The following PPP4R2 variants were observed in gnomAD, a reference collection of about 807,000 sequenced individuals.
PPP4R2 encodes protein phosphatase 4 regulatory subunit 2.
A neutral mutation model predicts 47.2 loss-of-function variants in PPP4R2; 13 were observed. That is an observed-to-expected ratio of 0.28 (90% CI 0.18 to 0.44). The LOEUF is 0.44. Ranked by LOEUF, PPP4R2 falls within the 20% of genes least tolerant of loss-of-function variation. The probability of loss-of-function intolerance (pLI) is 1.00; values close to 1 mark genes in which losing one functional copy is unlikely to be tolerated. For synonymous variants in PPP4R2, 151 were observed against 163.3 expected, an observed-to-expected ratio of 0.92 and a Z score of 0.57; for missense variants, 421 against 491.2, an observed-to-expected ratio of 0.86 and a Z score of 1.35.
chr3:73,002,655 T>G (rs908834466), intron 2 of PPP4R2, among the ~76,000 whole-genome samples: 3 of 135,058 alleles, frequency 2.2e-5, no homozygotes, highest in African/African-American at 5.6e-5. Flanking sequence ...TTTTTTTTTT[T>G]TTTTGAGACG....
At chr3:73,049,511 A>C (rs993133440) in intron 3 of PPP4R2, among the ~76,000 whole-genome samples, 1 of 152,128 alleles carries the variant, frequency 6.6e-6, no homozygotes, top group Non-Finnish European at 1.5e-5. Flanking sequence ...AAAAAAAGAG[A>C]ATACTTCTCG....
intron 2 of PPP4R2, among the ~76,000 whole-genome samples, chr3:73,035,916 A>G (rs557447780): frequency 1.3e-5 from 2 of 152,158 alleles, no homozygotes; most frequent in Non-Finnish European, 2.9e-5. Flanking sequence ...GCGCCCGGCC[A>G]ATACCTGCAC....
Position 73,046,331 on chromosome 3 carries a change from C to T in PPP4R2, c.117-855C>T, listed in dbSNP as rs114351800. On this transcript the variant is annotated intron_variant, in intron 2 of 8. Transcript: ENST00000356692. ...TGGAAGGTGATTACAGATGGGCTCCCGTTAATTTGTGTAAATTTGTTTAAG... is the reference window on the plus strand; with the variant it reads ...TGGAAGGTGATTACAGATGGGCTCCTGTTAATTTGTGTAAATTTGTTTAAG... Among the ~76,000 whole-genome samples, 783 of 152,210 alleles carry T rather than the reference C, an allele frequency of 5.1e-3. 7 individuals carry two copies. The highest frequency in any genetic ancestry group is 0.018 in the African/African-American group (753 of 41,514).
chr3:73,026,325 C>T (rs958782458), intron 2 of PPP4R2, among the ~76,000 whole-genome samples: 3 of 151,942 alleles, frequency 2.0e-5, no homozygotes, highest in African/African-American at 7.3e-5. Context: ...CTTACTTTTC[C>T]TTTGTGTACA....
In PPP4R2 at chr3:73,062,977, C is replaced by T. The variant is rs2231931; in HGVS notation, c.420-696C>T. 1,117 of 1,230,014 alleles carry T rather than the reference C, an allele frequency of 9.1e-4. 5 individuals carry two copies. The African/African-American group carries it at 0.015, about 17-fold the overall frequency. 76.2% of individuals were successfully genotyped at this position (1,230,014 alleles called of 1,614,324 possible). On this transcript the variant is annotated intron_variant, in intron 5 of 8. Transcript: ENST00000356692. ...GATCAGTGCATGGATGGCTCCATTG[C>T]TCTACGGGCCATTGTGTCTGAGATC...
At chr3:72,997,298 G>A (rs1701368495) in intron 1 of PPP4R2, 1 of 403,638 alleles carries the variant, frequency 2.5e-6, no homozygotes, top group African/African-American at 2.1e-5. Context: ...TGGGGGAGGG[G>A]AGCCGGGGAA....
In PPP4R2 at chr3:73,028,684, C is replaced by T. The variant is rs142918138; in HGVS notation, c.117-18502C>T. ...TGATCTCCTGACCTCGTGATCCGCC[C>T]GCCTAGGCCTCCCAAAGTGCTGGGA... is the stretch of plus-strand genomic sequence containing the variant. On this transcript the variant is annotated intron_variant, in intron 2 of 8. Transcript: ENST00000356692. Among the ~76,000 whole-genome samples, 24 of 152,066 alleles carry T rather than the reference C, an allele frequency of 1.6e-4. No individual in the cohort carries two copies. In the South Asian group the frequency reaches 1.7e-3, roughly 11 times the overall value.
At chr3:73,040,754 C>G (rs899605877) in intron 2 of PPP4R2, among the ~76,000 whole-genome samples, 2 of 152,108 alleles carry the variant, frequency 1.3e-5, no homozygotes, top group Non-Finnish European at 2.9e-5. Context: ...CTCAGGTGAT[C>G]TGCCTGCCTC....
intron 2 of PPP4R2, among the ~76,000 whole-genome samples, chr3:73,015,201 A>G (rs957806818): frequency 6.6e-6 from 1 of 152,178 alleles, no homozygotes; most frequent in Non-Finnish European, 1.5e-5. Flanking sequence ...TTTTTTTGAG[A>G]CAGAGTCTCT....
At chr3:73,058,644 C>A (rs1702777538) in intron 3 of PPP4R2, among the ~76,000 whole-genome samples, 3 of 151,854 alleles carry the variant, frequency 2.0e-5, no homozygotes, top group Admixed American at 2.0e-4. Flanking sequence ...TCAAGCGTTT[C>A]TTTATGCTTT....
intron 2 of PPP4R2, among the ~76,000 whole-genome samples, chr3:73,024,266 G>A (rs1702015600): frequency 6.6e-6 from 1 of 151,990 alleles, no homozygotes; most frequent in South Asian, 2.1e-4. Flanking sequence ...TTATAATCAA[G>A]GGTAGAAAGG....
At position 73,062,792 on chromosome 3, in the gene PPP4R2, A is replaced by T. The variant is rs1190062938; in HGVS notation, c.420-881A>T. Reference sequence around the variant, plus strand: ...ATCTGCTAATCAGCTGCAATGCAGAATCAGCCATAGGTTGGATCAGCTCAA... The same window carrying T: ...ATCTGCTAATCAGCTGCAATGCAGATTCAGCCATAGGTTGGATCAGCTCAA... On this transcript the variant is annotated intron_variant, in intron 5 of 8. Transcript: ENST00000356692. 1.9e-6 allele frequency: 3 copies of T among 1,613,850 alleles called. No individual in the cohort carries two copies. The African/African-American group carries it at 4.0e-5, about 22-fold the overall frequency.
At chr3:73,033,697 C>G (rs368269265) in intron 2 of PPP4R2, among the ~76,000 whole-genome samples, 1 of 152,192 alleles carries the variant, frequency 6.6e-6, no homozygotes, top group African/African-American at 2.4e-5. Flanking sequence ...GACCATTCCT[C>G]CTTCCTTCCA....
At position 72,996,905 on chromosome 3, in the gene PPP4R2, T is replaced by TA; in HGVS notation, c.-133_-132insA. 2.0e-6 allele frequency: 1 copy of TA among 506,674 alleles called. No individual in the cohort carries two copies. The highest frequency in any genetic ancestry group is 3.1e-6 in the Non-Finnish European group (1 of 321,260). The allele number at this position is 506,674 out of a possible 1,614,324, so 31.4% of individuals were successfully genotyped here. On this transcript the variant is annotated 5_prime_UTR_variant, in exon 1 of 9. Transcript: ENST00000356692. ...CACGCTTCCCCCGGCTCCCTTCGTT[T>TA]CCCCCCCCCGGTCGCCTGCGTGCCG...
intron 2 of PPP4R2, among the ~76,000 whole-genome samples, chr3:73,043,918 C>G (rs537867744): frequency 2.6e-4 from 39 of 152,320 alleles, no homozygotes; most frequent in African/African-American, 9.1e-4. Context: ...GTCCCTTCAC[C>G]TTCCTCCCCA....
intron 2 of PPP4R2, among the ~76,000 whole-genome samples, chr3:73,024,391 C>T (rs568351339): frequency 6.6e-6 from 1 of 152,214 alleles, no homozygotes; most frequent in African/African-American, 2.4e-5. Flanking sequence ...TGTATAACAA[C>T]ATAGAGGATC....
chr3:73,013,646 CT>C (rs56817057), intron 2 of PPP4R2, among the ~76,000 whole-genome samples: 74,877 of 144,834 alleles, frequency 0.52, 19,189 homozygotes, highest in African/African-American at 0.6. Context: ...TTTTCTTTTT[CT>C]TTTTTTTTTT....
chr3:73,039,522 A>G (rs536716983), intron 2 of PPP4R2, among the ~76,000 whole-genome samples: 1 of 152,318 alleles, frequency 6.6e-6, no homozygotes. Context: ...CCATAACACA[A>G]AAATAAGCAA....
chr3:73,047,336 A>C lies in PPP4R2; in HGVS notation c.267A>C (p.Lys89Asn). 3 of 1,610,108 alleles carry C rather than the reference A, an allele frequency of 1.9e-6. No individual in the cohort carries two copies. The highest frequency in any genetic ancestry group is 2.5e-6 in the Non-Finnish European group (3 of 1,177,942). The part of the protein sequence containing the change: ...PFDEMKERIL[K>N]IVTGFNGIPF... ...ATGAAATGAAGGAAAGAATACTGAA[A>C]ATTGTCACTGGATTTAATGGGTATG... Residue 89 changes from lysine (K) to asparagine (N), a missense_variant, in exon 3 of 9, where the codon AAA (lysine) becomes AAC (asparagine). Coordinates refer to ENST00000356692, the MANE Select transcript of PPP4R2 (RefSeq NM_174907.4).
Sources: gnomAD v4.1 joint callset for allele counts (sites outside exome capture counted in the v4.1 genomes callset) on GRCh38, gnomAD v4.1.1 for gene constraint, MANE v1.5 for transcripts, NCBI Gene and HGNC (gene_info 2026-07-23, HGNC 2026-07-21) for gene names.